The following DPYD variants were observed in gnomAD, a reference collection of about 807,000 sequenced individuals.
DPYD encodes the protein dihydropyrimidine dehydrogenase [NADP(+)].
A neutral mutation model predicts 116.2 loss-of-function variants in DPYD; 109 were observed. The observed-to-expected ratio is 0.94, with a 90% confidence interval of 0.80 to 1.10. The LOEUF (loss-of-function observed/expected upper bound fraction) is 1.10, where lower values mean the gene tolerates loss of function less well. Among genes scored for constraint, DPYD ranks in the 50% least tolerant of loss-of-function variants. The pLI is 0.00. For missense variants in DPYD, 1,302 were observed against 1,254.5 expected (o/e 1.04, Z -0.57); for synonymous variants, 440 against 432.0 (o/e 1.02, Z -0.23).
chr1:97,556,610 G>T (rs1212100210), intron 11 of DPYD, among the ~76,000 whole-genome samples: 1 of 147,844 alleles, frequency 6.8e-6, no homozygotes, highest in East Asian at 2.0e-4. Context: ...GTGGTGTTTG[G>T]TTTTTTGTTC....
intron 16 of DPYD, 127 bp from the exon 17 acceptor site, chr1:97,306,424 T>A (rs1667179149): frequency 7.9e-7 from 1 of 1,270,912 alleles, no homozygotes; most frequent in Admixed American, 1.8e-5. Flanking sequence ...ACATGATATA[T>A]TTCTCAAATT....
At chr1:97,873,857 A>T (rs1472233275) in intron 2 of DPYD, among the ~76,000 whole-genome samples, 2 of 151,984 alleles carry the variant, frequency 1.3e-5, no homozygotes, top group African/African-American at 2.4e-5. Flanking sequence ...TCAGGAGCTG[A>T]AGATACAGTT....
chr1:97,440,461 T>C (rs1432703527), intron 14 of DPYD, among the ~76,000 whole-genome samples: 2 of 152,118 alleles, frequency 1.3e-5, no homozygotes, highest in Non-Finnish European at 2.9e-5. Context: ...TTTTTATTAT[T>C]CCATTATATA....
At chr1:97,630,505 C>A (rs779215811) in intron 8 of DPYD, among the ~76,000 whole-genome samples, 1 of 152,052 alleles carries the variant, frequency 6.6e-6, no homozygotes, top group African/African-American at 2.4e-5. Flanking sequence ...TCCTGCAGCT[C>A]GAAGCTAACA....
At chr1:97,163,765 A>C (rs1381026759) in intron 20 of DPYD, among the ~76,000 whole-genome samples, 2 of 152,116 alleles carry the variant, frequency 1.3e-5, no homozygotes, top group Non-Finnish European at 2.9e-5. Context: ...TCATGACTTA[A>C]TTACCTTCCA....
chr1:97,225,938 A>G (rs1034568165), intron 19 of DPYD, among the ~76,000 whole-genome samples: 4 of 152,094 alleles, frequency 2.6e-5, no homozygotes, highest in Admixed American at 6.6e-5. Flanking sequence ...AGGGTACTAT[A>G]GGAAAAAAAG....
intron 2 of DPYD, among the ~76,000 whole-genome samples, chr1:97,882,219 T>G (rs16798): frequency 0.018 from 2,744 of 152,092 alleles, 33 homozygotes; most frequent in Non-Finnish European, 0.028. Flanking sequence ...CAAGAAAAAC[T>G]GAATTCAAAA....
chr1:97,172,891 C>T (rs1249757667), intron 20 of DPYD, among the ~76,000 whole-genome samples: 3 of 152,132 alleles, frequency 2.0e-5, no homozygotes, highest in East Asian at 1.9e-4. Flanking sequence ...ATAAACCTTA[C>T]AGTGTTTTCA....
chr1:97,134,015 ATATATATATATATATATAT>A lies in DPYD; in HGVS notation c.2623-35402_2623-35384del, dbSNP rs1653579019. 3.2e-4 allele frequency among the ~76,000 whole-genome samples: 6 copies of A among 18,992 alleles called. 1 individual carries two copies. Among genetic ancestry groups the A allele is most frequent in the East Asian group, 5.8e-3 (2 of 342 alleles). 12.5% of individuals were successfully genotyped at this position (18,992 alleles called of 152,430 possible). ...CTCTGTTTCAAAAAAAAAAAAAAAA[ATATATATATATATATATAT>A]ATATATATATATATATATATATATA... On this transcript the variant is annotated intron_variant, in intron 20 of 22. Transcript: ENST00000370192.
chr1:97,727,323 C>A (rs1008160164), intron 4 of DPYD, among the ~76,000 whole-genome samples: 3 of 151,644 alleles, frequency 2.0e-5, no homozygotes, highest in African/African-American at 4.8e-5. Context: ...AATGACTTGG[C>A]AATTTGGCTG....
intron 13 of DPYD, among the ~76,000 whole-genome samples, chr1:97,489,550 C>T (rs970477603): frequency 2.0e-5 from 3 of 152,176 alleles, no homozygotes; most frequent in Non-Finnish European, 2.9e-5. Flanking sequence ...GGTACACTTA[C>T]ACCAGGACAC....
chr1:97,906,231 C>G (rs1440613092), intron 1 of DPYD, among the ~76,000 whole-genome samples: 2 of 152,012 alleles, frequency 1.3e-5, no homozygotes, highest in Non-Finnish European at 2.9e-5. Flanking sequence ...TGTAACAAAA[C>G]TTATATGAAT....
chr1:97,558,842 A>G (rs528017095), intron 11 of DPYD, among the ~76,000 whole-genome samples: 3 of 152,296 alleles, frequency 2.0e-5, no homozygotes, highest in African/African-American at 7.2e-5. Flanking sequence ...AATTCTATCT[A>G]TTTAAGACGC....
intron 20 of DPYD, among the ~76,000 whole-genome samples, chr1:97,126,037 A>G (rs955635519): frequency 2.6e-5 from 4 of 152,166 alleles, no homozygotes; most frequent in African/African-American, 7.2e-5. Context: ...TTTCAAAAGT[A>G]AAACTTTTGA....
intron 16 of DPYD, among the ~76,000 whole-genome samples, chr1:97,336,185 A>C (rs899397200): frequency 3.9e-5 from 6 of 152,346 alleles, no homozygotes; most frequent in African/African-American, 1.2e-4. Flanking sequence ...TAGAAGAGAT[A>C]CATTTGAGCA....
intron 16 of DPYD, among the ~76,000 whole-genome samples, chr1:97,320,018 G>T (rs1570510029): frequency 4.4e-5 from 6 of 137,862 alleles, no homozygotes; most frequent in African/African-American, 8.0e-5. Flanking sequence ...AAAGGCCTTT[G>T]ACAAAATTCA....
chr1:97,605,862 T>C (rs969959233), intron 8 of DPYD, among the ~76,000 whole-genome samples: 6 of 151,998 alleles, frequency 3.9e-5, no homozygotes, highest in Admixed American at 3.3e-4. Flanking sequence ...TATGCATACC[T>C]TTCTTGATAT....
intron 18 of DPYD, among the ~76,000 whole-genome samples, chr1:97,244,016 C>T (rs1662548822): frequency 6.6e-6 from 1 of 151,974 alleles, no homozygotes; most frequent in African/African-American, 2.4e-5. Flanking sequence ...ACTCACTATA[C>T]TGTCCAAGAC....
intron 16 of DPYD, among the ~76,000 whole-genome samples, chr1:97,336,189 T>A (rs1669274832): frequency 6.6e-6 from 1 of 152,182 alleles, no homozygotes; most frequent in Admixed American, 6.5e-5. Flanking sequence ...AGAGATACAT[T>A]TGAGCAAGTA....
Sources: allele counts gnomAD v4.1 joint callset (sites outside exome capture counted in the v4.1 genomes callset), GRCh38; gene constraint gnomAD v4.1.1; transcripts MANE v1.5; gene names NCBI Gene and HGNC (gene_info 2026-07-23, HGNC 2026-07-21).